The following SGCZ variants were observed in gnomAD, a reference collection of about 807,000 sequenced individuals.
SGCZ encodes sarcoglycan zeta, also known as zeta-sarcoglycan.
SGCZ carries 40 observed loss-of-function variants against 41.3 expected under a neutral mutation model. That is an observed-to-expected ratio of 0.97 (90% CI 0.75 to 1.26). The LOEUF is 1.26. Ranked by LOEUF, SGCZ falls within the 50% of genes most tolerant of loss-of-function variation. The probability of loss-of-function intolerance (pLI) is 0.00; values close to 1 mark genes in which losing one functional copy is unlikely to be tolerated. For missense variants in SGCZ, 552 were observed against 369.8 expected (o/e 1.49, Z -4.04); for synonymous variants, 206 against 137.5 (o/e 1.50, Z -3.49).
chr8:14,673,921 T>C (rs931426147), intron 1 of SGCZ, among the ~76,000 whole-genome samples: 77 of 152,310 alleles, frequency 5.1e-4, no homozygotes, highest in African/African-American at 1.7e-3. Context: ...TTTAGTTTCA[T>C]TGATAAGAAG....
chr8:14,978,386 A>AGGGACAGCTTCCTCTGGTGCATACCCTC (rs1554532079), intron 1 of SGCZ, among the ~76,000 whole-genome samples: 27 of 145,326 alleles, frequency 1.9e-4, no homozygotes, highest in African/African-American at 3.3e-4. Flanking sequence ...CAGGAGAATC[A>AGGGACAGCTTCCTCTGGTGCATACCCTC]CTTAAACCTG....
At chr8:15,027,541 T>G (rs1040242980) in intron 1 of SGCZ, among the ~76,000 whole-genome samples, 1 of 152,088 alleles carries the variant, frequency 6.6e-6, no homozygotes, top group African/African-American at 2.4e-5. Flanking sequence ...TACAGATAAG[T>G]GGCTTATCTT....
intron 3 of SGCZ, among the ~76,000 whole-genome samples, chr8:14,315,941 G>A (rs1022272075): frequency 6.6e-6 from 1 of 151,728 alleles, no homozygotes; most frequent in African/African-American, 2.4e-5. Flanking sequence ...TAAATGATAT[G>A]TCTATGTAAA....
rs1011387778 is a variant in SGCZ at position 14,086,453 on chromosome 8, A to G, written c.*3990T>C. Among the ~76,000 whole-genome samples the G allele has an allele frequency of 2.6e-5, 4 of 151,668 alleles. No homozygotes were observed. Among genetic ancestry groups the G allele is most frequent in the African/African-American group, 9.7e-5 (4 of 41,390 alleles). On this transcript the variant is annotated 3_prime_UTR_variant, in exon 8 of 8. Transcript: ENST00000382080. Reference sequence around the variant, plus strand: ...AGGCATTCTCTGATTGAGTCATTCGATAGAATATGTAGGAATTTTGAATGG... The same window carrying G: ...AGGCATTCTCTGATTGAGTCATTCGGTAGAATATGTAGGAATTTTGAATGG...
chr8:14,871,223 A>T (rs1480166691), intron 1 of SGCZ, among the ~76,000 whole-genome samples: 2 of 152,034 alleles, frequency 1.3e-5, no homozygotes, highest in African/African-American at 2.4e-5. Flanking sequence ...CAAAAAAAAA[A>T]GTCAGGAAAC....
chr8:14,341,609 G>A (rs528704335), intron 2 of SGCZ, among the ~76,000 whole-genome samples: 4 of 152,186 alleles, frequency 2.6e-5, no homozygotes, highest in African/African-American at 9.6e-5. Context: ...TGGTTTGGCT[G>A]TGTCCCCTCC....
chr8:14,687,343 C>A (rs950266209), intron 1 of SGCZ, among the ~76,000 whole-genome samples: 43 of 146,760 alleles, frequency 2.9e-4, no homozygotes, highest in Admixed American at 3.4e-4. Context: ...ATCCCTCCCC[C>A]CTCCCCACAC....
At position 14,525,130 on chromosome 8, in the gene SGCZ, TGATA is replaced by T. The variant is rs1248524715; in HGVS notation, c.234+29598_234+29601del. Among the ~76,000 whole-genome samples the T allele has an allele frequency of 5.0e-4, 74 of 147,632 alleles. 2 individuals carry two copies. The highest frequency in any genetic ancestry group is 4.1e-3 in the Admixed American group (61 of 14,856). ...ACAGATGATAGATAGATAGATACATTGATAGATAGACACATAGATAGATAGATAG... is the reference window on the plus strand; with the variant it reads ...ACAGATGATAGATAGATAGATACATTGATAGACACATAGATAGATAGATAG... On this transcript the variant is annotated intron_variant, in intron 2 of 7. Coordinates refer to ENST00000382080, the MANE Select transcript of SGCZ (RefSeq NM_139167.4).
intron 1 of SGCZ, among the ~76,000 whole-genome samples, chr8:14,827,924 C>T (rs1802390645): frequency 6.6e-6 from 1 of 152,100 alleles, no homozygotes; most frequent in Admixed American, 6.5e-5. Flanking sequence ...ATCTTCAAAT[C>T]ATTCATGGAA....
At position 15,217,374 on chromosome 8, in the gene SGCZ, G is replaced by A. The variant is rs999226558; in HGVS notation, c.39+20211C>T. On this transcript the variant is annotated intron_variant, in intron 1 of 7. Transcript: ENST00000382080. ...GGAGCTTGCAGTGAGTCGAGATTGCGCCACCGCACTCCAACCTGGGAGACA... is the reference window on the plus strand; with the variant it reads ...GGAGCTTGCAGTGAGTCGAGATTGCACCACCGCACTCCAACCTGGGAGACA... Among the ~76,000 whole-genome samples, 82 of 147,534 alleles carry A rather than the reference G, an allele frequency of 5.6e-4. 2 individuals are homozygous for A. Among genetic ancestry groups the A allele is most frequent in the Non-Finnish European group, 2.4e-4 (16 of 67,418 alleles).
intron 5 of SGCZ, among the ~76,000 whole-genome samples, chr8:14,113,627 G>A (rs1192717225): frequency 1.3e-5 from 2 of 151,986 alleles, no homozygotes; most frequent in Non-Finnish European, 2.9e-5. Flanking sequence ...ATACTGAGAT[G>A]TCCTTTCTTG....
At chr8:15,194,356 T>C (rs1800648142) in intron 1 of SGCZ, among the ~76,000 whole-genome samples, 2 of 152,144 alleles carry the variant, frequency 1.3e-5, no homozygotes, top group Admixed American at 1.3e-4. Flanking sequence ...AAAGGTCAGG[T>C]AGATACAAAC....
At chr8:15,064,211 G>A (rs918694336) in intron 1 of SGCZ, among the ~76,000 whole-genome samples, 4 of 151,948 alleles carry the variant, frequency 2.6e-5, no homozygotes, top group Non-Finnish European at 5.9e-5. Flanking sequence ...AATACTTCCG[G>A]GACATAACTA....
chr8:15,064,893 T>C (rs1038009222), intron 1 of SGCZ, among the ~76,000 whole-genome samples: 38 of 152,164 alleles, frequency 2.5e-4, no homozygotes, highest in Non-Finnish European at 3.7e-4. Flanking sequence ...TTCGGTTGGC[T>C]CTTTGGTGCC....
intron 2 of SGCZ, among the ~76,000 whole-genome samples, chr8:14,489,199 G>A (rs185468672): frequency 6.6e-6 from 1 of 152,022 alleles, no homozygotes; most frequent in Admixed American, 6.6e-5. Context: ...TGTTTTGCAA[G>A]AGGCTGTGGT....
intron 1 of SGCZ, among the ~76,000 whole-genome samples, chr8:14,728,595 TA>T (rs1810135868): frequency 6.6e-6 from 1 of 152,102 alleles, no homozygotes; most frequent in Non-Finnish European, 1.5e-5. Flanking sequence ...CCATAAACAT[TA>T]AAATTCTGAT....
At chr8:14,289,601 C>T (rs1306811424) in intron 3 of SGCZ, among the ~76,000 whole-genome samples, 2 of 151,892 alleles carry the variant, frequency 1.3e-5, no homozygotes, top group African/African-American at 4.8e-5. Flanking sequence ...ATTTTTATGC[C>T]AGTAACATGC....
At chr8:14,230,822 T>A (rs139964860) in intron 4 of SGCZ, among the ~76,000 whole-genome samples, 9 of 151,546 alleles carry the variant, frequency 5.9e-5, no homozygotes, top group African/African-American at 2.2e-4. Context: ...CTAGTAAACA[T>A]GTTTTGTGTT....
rs367758385 is a variant in SGCZ, at chr8:15,092,044, T to G, written c.39+145541A>C. On this transcript the variant is annotated intron_variant, in intron 1 of 7. Coordinates refer to ENST00000382080, the MANE Select transcript of SGCZ (RefSeq NM_139167.4). The stretch of plus-strand genomic sequence containing the variant: ...CCTGGAATTATAGGATGAGGCACCG[T>G]GCCTGGCCACTCTAATTTTAAAGCA... Among the ~76,000 whole-genome samples, 30 of 152,268 alleles carry G rather than the reference T, an allele frequency of 2.0e-4. No homozygotes were observed. In the East Asian group the frequency reaches 5.6e-3, roughly 28 times the overall value.
Sources: allele counts gnomAD v4.1 joint callset (sites outside exome capture counted in the v4.1 genomes callset), GRCh38; gene constraint gnomAD v4.1.1; transcripts MANE v1.5; gene names NCBI Gene and HGNC (gene_info 2026-07-23, HGNC 2026-07-21).